Variants in TOM1L2 observed in about 807,000 individuals in gnomAD.
TOM1L2 encodes target of myb1 like 2 membrane trafficking protein.
In TOM1L2, 31 loss-of-function variants were observed where a neutral mutation model predicts 67.9. The ratio of observed to expected loss-of-function variants is 0.46; its 90% confidence interval spans 0.34 to 0.62. TOM1L2 has a LOEUF of 0.62. Ranked by LOEUF, TOM1L2 falls within the 20% of genes least tolerant of loss-of-function variation. The pLI is 0.01. For missense variants in TOM1L2, 606 were observed against 663.5 expected, an observed-to-expected ratio of 0.91 and a Z score of 0.95; for synonymous variants, 256 against 254.0, an observed-to-expected ratio of 1.01 and a Z score of -0.07.
intron 1 of TOM1L2, among the ~76,000 whole-genome samples, chr17:17,920,888 A>G (rs1055881645): frequency 1.3e-5 from 2 of 152,116 alleles, no homozygotes; most frequent in Admixed American, 6.5e-5. Flanking sequence ...CACCCGCCTC[A>G]GCCTTCAAAG....
intron 2 of TOM1L2, among the ~76,000 whole-genome samples, chr17:17,905,671 T>C (rs771105975): frequency 3.3e-5 from 5 of 152,240 alleles, no homozygotes; most frequent in Non-Finnish European, 7.3e-5. Context: ...CGTACAGTGC[T>C]GGGATTGCAG....
At chr17:17,929,752 C>A (rs969567130) in intron 1 of TOM1L2, among the ~76,000 whole-genome samples, 1 of 152,162 alleles carries the variant, frequency 6.6e-6, no homozygotes, top group Non-Finnish European at 1.5e-5. Context: ...TCTGATAAGA[C>A]CTTTCCAGAG....
chr17:17,964,054 C>T (rs1226518936), intron 1 of TOM1L2, among the ~76,000 whole-genome samples: 2 of 152,152 alleles, frequency 1.3e-5, no homozygotes, highest in Non-Finnish European at 2.9e-5. Flanking sequence ...GGAAGGCTGC[C>T]TGTAGGAAGA....
chr17:17,869,672 T>C, intron 7 of TOM1L2, 199 bp from the exon 8 acceptor site: 1 of 1,375,644 alleles, frequency 7.3e-7, no homozygotes. Flanking sequence ...AAACAAGTAC[T>C]TTTTCAGCAG....
intron 3 of TOM1L2, among the ~76,000 whole-genome samples, 161 bp downstream of exon 3, chr17:17,898,429 AAAACCC>A (rs2038683774): frequency 6.6e-6 from 1 of 152,240 alleles, no homozygotes; most frequent in Admixed American, 6.5e-5. Context: ...AGAGGACAGG[AAAACCC>A]AAAGGCAATA....
At chr17:17,937,816 G>C (rs2040569800) in intron 1 of TOM1L2, among the ~76,000 whole-genome samples, 1 of 152,170 alleles carries the variant, frequency 6.6e-6, no homozygotes. Context: ...CAGTGGAGGG[G>C]GGCATGTGGA....
chr17:17,857,673 A>T, intron 12 of TOM1L2: 1 of 1,124,308 alleles, frequency 8.9e-7, no homozygotes. Context: ...TGTCTGATTC[A>T]CAAAGGCTCG....
intron 1 of TOM1L2, among the ~76,000 whole-genome samples, chr17:17,931,158 A>C: frequency 6.6e-6 from 1 of 152,062 alleles, no homozygotes; most frequent in East Asian, 1.9e-4. Context: ...CAACCAAACC[A>C]GACTCCTCTT....
chr17:17,907,007 C>T (rs190982757), intron 2 of TOM1L2, among the ~76,000 whole-genome samples: 12 of 152,348 alleles, frequency 7.9e-5, no homozygotes, highest in East Asian at 1.9e-4. Flanking sequence ...TTCCCACTCC[C>T]GGCCGTGTCT....
At chr17:17,933,810 CTG>C (rs879895787) in intron 1 of TOM1L2, among the ~76,000 whole-genome samples, 1 of 152,200 alleles carries the variant, frequency 6.6e-6, no homozygotes, top group Non-Finnish European at 1.5e-5. Context: ...GCATCCAACA[CTG>C]GGGTGTGAAA....
intron 1 of TOM1L2, among the ~76,000 whole-genome samples, chr17:17,924,232 T>C (rs766766518): frequency 2.6e-4 from 39 of 151,928 alleles, no homozygotes; most frequent in Middle Eastern, 3.4e-3. Context: ...AGACAGAAAA[T>C]AGATTAGTGA....
At chr17:17,906,966 G>A (rs889021343) in intron 2 of TOM1L2, among the ~76,000 whole-genome samples, 1 of 152,208 alleles carries the variant, frequency 6.6e-6, no homozygotes, top group African/African-American at 2.4e-5. Context: ...ATGCAGGAGG[G>A]GCAACGTGTT....
chr17:17,892,034 A>T (rs562533596), intron 4 of TOM1L2, among the ~76,000 whole-genome samples: 8 of 152,292 alleles, frequency 5.3e-5, no homozygotes, highest in African/African-American at 1.7e-4. Flanking sequence ...ACGAAGAATG[A>T]GGCAGACAAA....
intron 1 of TOM1L2, among the ~76,000 whole-genome samples, chr17:17,928,323 A>G (rs757740528): frequency 2.0e-5 from 3 of 152,250 alleles, no homozygotes; most frequent in Non-Finnish European, 4.4e-5. Context: ...CTAAGCAACG[A>G]GGGTACATCA....
At chr17:17,897,474 T>C (rs1253546062) in intron 3 of TOM1L2, among the ~76,000 whole-genome samples, 4 of 152,212 alleles carry the variant, frequency 2.6e-5, no homozygotes, top group Admixed American at 6.5e-5. Context: ...CCCAGAGAAG[T>C]TGACCTGGTG....
chr17:17,902,222 T>C (rs1305934186), intron 2 of TOM1L2, among the ~76,000 whole-genome samples: 1 of 152,156 alleles, frequency 6.6e-6, no homozygotes, highest in Non-Finnish European at 1.5e-5. Flanking sequence ...GGTTATTCAG[T>C]CAGCCACTCC....
chr17:17,956,396 C>CT (rs2041448627), intron 1 of TOM1L2, among the ~76,000 whole-genome samples: 1 of 152,248 alleles, frequency 6.6e-6, no homozygotes, highest in Non-Finnish European at 1.5e-5. Context: ...TAAAGGTTCT[C>CT]TAAGTCCTCA....
In TOM1L2 at chr17:17,882,769, G is replaced by A; in HGVS notation, c.596C>T (p.Pro199Leu). Reference protein sequence around the residue: ...AGSYSSPPPAPYSAPQAPALS... With the variant: ...AGSYSSPPPALYSAPQAPALS... ...AGCTGGGGCCTGCGGTGCGGAGTAG[G>A]GAGCAGGAGGCGGCGAGGAATAGGA... Residue 199 changes from proline to leucine, a missense_variant, in exon 6 of 15, where the codon CCC becomes CTC. Coordinates refer to ENST00000379504, the MANE Select transcript of TOM1L2 (RefSeq NM_001082968.2). The A allele has an allele frequency of 6.2e-7, 1 of 1,614,210 alleles. No homozygotes were observed. Among genetic ancestry groups the A allele is most frequent in the Non-Finnish European group, 8.5e-7 (1 of 1,180,034 alleles).
chr17:17,936,332 A>G (rs1248035602), intron 1 of TOM1L2, among the ~76,000 whole-genome samples: 1 of 152,136 alleles, frequency 6.6e-6, no homozygotes, highest in African/African-American at 2.4e-5. Context: ...AGTTTTCCCC[A>G]ACCCTGTTCC....
Sources: allele counts gnomAD v4.1 joint callset (sites outside exome capture counted in the v4.1 genomes callset), GRCh38; gene constraint gnomAD v4.1.1; transcripts MANE v1.5; gene names NCBI Gene and HGNC (gene_info 2026-07-23, HGNC 2026-07-21).